The following GDA variants were observed in gnomAD, a reference collection of about 807,000 sequenced individuals.
GDA encodes the protein cytoplasmic PSD-95 interactor.
Under a neutral mutation model 59.6 loss-of-function variants are expected in GDA, and 18 were observed. The ratio of observed to expected loss-of-function variants is 0.30; its 90% confidence interval spans 0.21 to 0.45. The LOEUF (loss-of-function observed/expected upper bound fraction) is 0.45. Ranked by LOEUF, GDA falls within the 20% of genes least tolerant of loss-of-function variation. GDA has a pLI of 1.00. For missense variants in GDA, 427 were observed against 552.3 expected (o/e 0.77, Z 2.27); for synonymous variants, 201 against 201.1 (o/e 1.00, Z 0.00).
At chr9:72,224,851 A>C in intron 7 of GDA, among the ~76,000 whole-genome samples, 1 of 149,970 alleles carries the variant, frequency 6.7e-6, no homozygotes, top group East Asian at 2.0e-4. Flanking sequence ...ATTGCTGTCC[A>C]AAGAAAAGAA....
At chr9:72,124,644 A>G (rs1825783213) in intron 1 of GDA, among the ~76,000 whole-genome samples, 1 of 152,240 alleles carries the variant, frequency 6.6e-6, no homozygotes. Context: ...TACAAGGTGT[A>G]TGACATCCAC....
At chr9:72,158,549 T>C (rs7872253) in intron 1 of GDA, among the ~76,000 whole-genome samples, 29,226 of 150,800 alleles carry the variant, frequency 0.19, 3,302 homozygotes, top group African/African-American at 0.32. Context: ...GCTGAGATCA[T>C]GCCACTGCAC....
chr9:72,199,708 C>T (rs1833693197), intron 2 of GDA, among the ~76,000 whole-genome samples: 1 of 152,256 alleles, frequency 6.6e-6, no homozygotes, highest in Admixed American at 6.5e-5. Context: ...TAGGATTATT[C>T]CTGAGGCCAT....
intron 1 of GDA, among the ~76,000 whole-genome samples, chr9:72,178,101 A>G (rs1209618327): frequency 6.6e-6 from 1 of 152,202 alleles, no homozygotes; most frequent in African/African-American, 2.4e-5. Flanking sequence ...TTTGATGTCA[A>G]TGTGTGACCT....
intron 1 of GDA, among the ~76,000 whole-genome samples, chr9:72,163,497 CT>C (rs201124130): frequency 0.092 from 13,223 of 143,006 alleles, 960 homozygotes; most frequent in East Asian, 0.48. Context: ...TAAAATTATT[CT>C]TTTTTTTTTT....
chr9:72,192,725 C>CA (rs1407354106), intron 1 of GDA, among the ~76,000 whole-genome samples: 2 of 151,386 alleles, frequency 1.3e-5, no homozygotes, highest in East Asian at 4.0e-4. Context: ...ACTAAAAATA[C>CA]AAAAATTAGC....
intron 1 of GDA, among the ~76,000 whole-genome samples, chr9:72,140,245 G>A (rs1457329987): frequency 6.6e-6 from 1 of 152,152 alleles, no homozygotes; most frequent in East Asian, 1.9e-4. Flanking sequence ...GAAACTTTTG[G>A]GAAAGGTCGC....
chr9:72,190,157 C>G (rs1832356675), intron 1 of GDA, among the ~76,000 whole-genome samples: 1 of 152,086 alleles, frequency 6.6e-6, no homozygotes, highest in Non-Finnish European at 1.5e-5. Context: ...GACAAAGTCT[C>G]TGCTGTGTTG....
intron 1 of GDA, among the ~76,000 whole-genome samples, chr9:72,140,967 G>T (rs1316326088): frequency 6.6e-6 from 1 of 152,158 alleles, no homozygotes; most frequent in Non-Finnish European, 1.5e-5. Context: ...TTTCAGCCTT[G>T]TCTGAACTTA....
chr9:72,248,687 C>A lies in GDA; in HGVS notation c.*345C>A. 1 of 1,026,216 alleles carries A rather than the reference C, an allele frequency of 9.7e-7. No homozygotes were observed. The highest frequency in any genetic ancestry group is 1.2e-6 in the Non-Finnish European group (1 of 855,030). 63.6% of individuals were successfully genotyped at this position (1,026,216 alleles called of 1,614,324 possible). A position where few individuals can be genotyped will look rare whatever the true frequency, so the allele number is the denominator to read the frequency against. ...TGAAAATGTGGAAAGAAAAGATGTT[C>A]CTAAAAGGTTAGATATTTTGAGCTA... is the stretch of plus-strand genomic sequence containing the variant. On this transcript the variant is annotated 3_prime_UTR_variant, in exon 14 of 14. Coordinates refer to ENST00000358399, the MANE Select transcript of GDA (RefSeq NM_004293.5).
At chr9:72,142,592 G>A (rs796492801) in intron 1 of GDA, among the ~76,000 whole-genome samples, 25 of 151,668 alleles carry the variant, frequency 1.6e-4, no homozygotes, top group African/African-American at 5.3e-4. Context: ...AAAGAAGTAC[G>A]GAACCAGTGA....
At chr9:72,129,368 C>T (rs932246303) in intron 1 of GDA, among the ~76,000 whole-genome samples, 4 of 152,226 alleles carry the variant, frequency 2.6e-5, no homozygotes, top group East Asian at 3.8e-4. Flanking sequence ...GCGTTCTCCA[C>T]GGGCTGTGCT....
intron 1 of GDA, among the ~76,000 whole-genome samples, chr9:72,166,283 G>A (rs996151832): frequency 6.6e-6 from 1 of 152,132 alleles, no homozygotes; most frequent in African/African-American, 2.4e-5. Flanking sequence ...AAGACAATAA[G>A]GGAACAAGAT....
intron 10 of GDA, among the ~76,000 whole-genome samples, chr9:72,236,969 AG>A (rs758761699): frequency 7.1e-4 from 108 of 152,036 alleles, no homozygotes; most frequent in Admixed American, 1.7e-3. Context: ...TAGTAGAGAC[AG>A]GGTTTCAACA....
At chr9:72,177,420 A>G (rs1317068887) in intron 1 of GDA, among the ~76,000 whole-genome samples, 1 of 152,094 alleles carries the variant, frequency 6.6e-6, no homozygotes, top group African/African-American at 2.4e-5. Context: ...TAAAACTTTA[A>G]AACTTGTTAA....
intron 9 of GDA, chr9:72,228,593 A>G (rs914313478): frequency 6.5e-6 from 1 of 153,008 alleles, no homozygotes; most frequent in Non-Finnish European, 1.5e-5. Flanking sequence ...AAATGAATAA[A>G]ATGAAAGTTA....
At chr9:72,246,392 C>G (rs1257296948) in intron 12 of GDA, among the ~76,000 whole-genome samples, 1 of 152,214 alleles carries the variant, frequency 6.6e-6, no homozygotes, top group South Asian at 2.1e-4. Flanking sequence ...AGGTAATCCA[C>G]CTGCCTTGGC....
chr9:72,206,279 G>C (rs1834688700), intron 3 of GDA, among the ~76,000 whole-genome samples: 1 of 151,900 alleles, frequency 6.6e-6, no homozygotes, highest in Non-Finnish European at 1.5e-5. Context: ...CTCCCATATG[G>C]TAAGACAAGA....
chr9:72,176,260 A>C (rs1830529524), intron 1 of GDA, among the ~76,000 whole-genome samples: 1 of 152,142 alleles, frequency 6.6e-6, no homozygotes, highest in Non-Finnish European at 1.5e-5. Context: ...GAGTGTTCTT[A>C]CCCTATGACT....
Sources: gnomAD v4.1 joint callset for allele counts (sites outside exome capture counted in the v4.1 genomes callset) on GRCh38, gnomAD v4.1.1 for gene constraint, MANE v1.5 for transcripts, NCBI Gene and HGNC (gene_info 2026-07-23, HGNC 2026-07-21) for gene names.